The following DNAJB5 variants were observed in gnomAD, a reference collection of about 807,000 sequenced individuals.
The protein encoded by DNAJB5 is dnaJ homolog subfamily B member 5.
DNAJB5 carries 12 observed loss-of-function variants against 32.6 expected under a neutral mutation model. That is an observed-to-expected ratio of 0.37 (90% CI 0.24 to 0.60). The LOEUF is 0.60. Among genes scored for constraint, DNAJB5 ranks in the 20% least tolerant of loss-of-function variants. The pLI, the probability that DNAJB5 is intolerant of heterozygous loss-of-function variation, is 0.71. For missense variants in DNAJB5, 358 were observed against 554.2 expected (o/e 0.65, Z 3.55); for synonymous variants, 188 against 212.9 (o/e 0.88, Z 1.02).
intron 3 of DNAJB5, among the ~76,000 whole-genome samples, chr9:34,995,777 G>T (rs1013394428): frequency 1.3e-5 from 2 of 152,192 alleles, no homozygotes; most frequent in Non-Finnish European, 2.9e-5. Context: ...CTTCCTCCCG[G>T]GTTGGATCCC....
At chr9:34,998,490 C>T (rs890019672), downstream of DNAJB5, 4 of 152,214 alleles carry the variant, frequency 2.6e-5, no homozygotes, top group African/African-American at 7.2e-5. Context: ...CACTGTCATC[C>T]TCCCTCCCGG....
Position 34,995,120 on chromosome 9 carries a change from T to C in DNAJB5, c.428-1145T>C, listed in dbSNP as rs1029514179. 2.0e-5 allele frequency among the ~76,000 whole-genome samples: 3 copies of C among 151,786 alleles called. No homozygotes were observed. The East Asian group carries it at 5.8e-4, about 29-fold the overall frequency. Reference sequence around the variant, plus strand: ...GAGATCCTAGGTCTTGGGGGAGGGGTGAAGAGGCAGCTGCCACAAGTCCCT... The same window carrying C: ...GAGATCCTAGGTCTTGGGGGAGGGGCGAAGAGGCAGCTGCCACAAGTCCCT... On this transcript the variant is annotated intron_variant, in intron 3 of 4. Transcript: ENST00000682809.
chr9:34,992,958 T>A, intron 2 of DNAJB5: 1 of 1,356,634 alleles, frequency 7.4e-7, no homozygotes, highest in Non-Finnish European at 9.5e-7. Flanking sequence ...GGCCACAACC[T>A]TCAGCTTCCT....
At position 34,993,936 on chromosome 9, in the gene DNAJB5, C is replaced by T. The variant is rs1407873862; in HGVS notation, c.427+492C>T. Among the ~76,000 whole-genome samples, 1 of 152,236 alleles carries T rather than the reference C, an allele frequency of 6.6e-6. No individual in the cohort carries two copies. The highest frequency in any genetic ancestry group is 1.5e-5 in the Non-Finnish European group (1 of 68,032). The stretch of plus-strand genomic sequence containing the variant: ...CCCTGCCTGCTTCTGGCCAGCAGAA[C>T]AGAGGTGGAGCTTTGCCTCCCAGAG... On this transcript the variant is annotated intron_variant, in intron 3 of 4. Transcript: ENST00000682809. The surrounding 1 kb of genome is among the most constrained non-coding windows in gnomAD (Gnocchi z 4.7).
Position 34,996,376 on chromosome 9 carries a change from T to C in DNAJB5, c.539T>C (p.Phe180Ser). ...FASFFGGSNP[F>S]DIFFASSRST... ...TCCTTCTTTGGTGGCTCCAACCCCT[T>C]CGATATCTTCTTTGCCAGCAGCCGC... The change falls in exon 4 of 5, where the codon TTC becomes TCC. Residue 180 changes from phenylalanine to serine, a missense_variant. Transcript: ENST00000682809. This position sits in a 1 kb window ranked among gnomAD's most constrained non-coding sequence, Gnocchi z 7.2. 6.2e-7 allele frequency: 1 copy of C among 1,614,132 alleles called. No individual in the cohort carries two copies. Among genetic ancestry groups the C allele is most frequent in the Admixed American group, 1.7e-5 (1 of 60,022 alleles).
At chr9:34,995,025 C>A (rs1030378423) in intron 3 of DNAJB5, among the ~76,000 whole-genome samples, 3 of 152,112 alleles carry the variant, frequency 2.0e-5, no homozygotes, top group Non-Finnish European at 4.4e-5. Flanking sequence ...AGCCTCCCTC[C>A]CTCTCTCACT....
Position 34,989,829 on chromosome 9 carries a change from C to T in DNAJB5, c.-135C>T. On this transcript the variant is annotated splice_region_variant and 5_prime_UTR_variant, in exon 1 of 5. Coordinates refer to ENST00000682809, the MANE Select transcript of DNAJB5 (RefSeq NM_001349723.3). ...CCACGGCGGCGCCCGCAGCTCCTCA[C>T]CGGTGAGGGCGCCAAGCCAGGACTC... 8.1e-7 allele frequency: 1 copy of T among 1,233,796 alleles called. No homozygotes were observed. Among genetic ancestry groups the T allele is most frequent in the Non-Finnish European group, 1.0e-6 (1 of 989,072 alleles). 76.4% of individuals were successfully genotyped at this position (1,233,796 alleles called of 1,614,324 possible).
chr9:34,997,572 C>A lies in DNAJB5; in HGVS notation c.*313C>A, dbSNP rs885451. ...GCTACTTGAAGATATGTAGAGATTC[C>A]TTATCCATGCCTGTACATAGCATGT... On this transcript the variant is annotated 3_prime_UTR_variant, in exon 5 of 5. Transcript: ENST00000682809. This position sits in a 1 kb window ranked among gnomAD's most constrained non-coding sequence, Gnocchi z 4.1. The A allele has an allele frequency of 4.3e-6, 2 of 468,828 alleles. No individual in the cohort carries two copies. Among genetic ancestry groups the A allele is most frequent in the Non-Finnish European group, 8.0e-6 (2 of 249,948 alleles). 29.0% of individuals were successfully genotyped at this position (468,828 alleles called of 1,614,324 possible).
chr9:34,990,304 G>A lies in DNAJB5; in HGVS notation c.-132-195G>A, dbSNP rs1827587705. On this transcript the variant is annotated intron_variant, in intron 1 of 4. Coordinates refer to ENST00000682809, the MANE Select transcript of DNAJB5 (RefSeq NM_001349723.3). The surrounding 1 kb of genome is among the most constrained non-coding windows in gnomAD (Gnocchi z 4.5). ...GGGTCCTCCCCAGTGAGAGGCGACA[G>A]GAGCTCACTGCCTCTCGGGCCCTCA... 1 of 1,429,346 alleles carries A rather than the reference G, an allele frequency of 7.0e-7. No homozygotes were observed. The highest frequency in any genetic ancestry group is 9.3e-7 in the Non-Finnish European group (1 of 1,080,274). 88.5% of individuals were successfully genotyped at this position (1,429,346 alleles called of 1,614,324 possible). A position where few individuals can be genotyped will look rare whatever the true frequency, so the allele number is the denominator to read the frequency against.
In DNAJB5 at chr9:34,990,565, T is replaced by G; in HGVS notation, c.-66T>G. The G allele has an allele frequency of 6.4e-7, 1 of 1,550,586 alleles. No homozygotes were observed. The highest frequency in any genetic ancestry group is 8.7e-7 in the Non-Finnish European group (1 of 1,146,896). On this transcript the variant is annotated 5_prime_UTR_variant, in exon 2 of 5. Coordinates refer to ENST00000682809, the MANE Select transcript of DNAJB5 (RefSeq NM_001349723.3). The surrounding 1 kb of genome is among the most constrained non-coding windows in gnomAD (Gnocchi z 4.5). ...GCCTCTGAGAGTCCAAGGAGGTGGC[T>G]TCCAGAGCTGCAGCACTTCAGGCCG...
rs1019173491 is a variant in DNAJB5 at position 34,990,308 on chromosome 9, C to T, written c.-132-191C>T. 2.1e-6 allele frequency: 3 copies of T among 1,433,676 alleles called. No homozygotes were observed. The highest frequency in any genetic ancestry group is 2.6e-4 in the Middle Eastern group (1 of 3,920). The allele number at this position is 1,433,676 out of a possible 1,614,324, so 88.8% of individuals were successfully genotyped here. A position where few individuals can be genotyped will look rare whatever the true frequency, so the allele number is the denominator to read the frequency against. On this transcript the variant is annotated intron_variant, in intron 1 of 4. Coordinates refer to ENST00000682809, the MANE Select transcript of DNAJB5 (RefSeq NM_001349723.3). The surrounding 1 kb of genome is among the most constrained non-coding windows in gnomAD (Gnocchi z 4.5). ...CCTCCCCAGTGAGAGGCGACAGGAG[C>T]TCACTGCCTCTCGGGCCCTCACAAT...
At chr9:34,992,400 C>T (rs1827674319) in intron 2 of DNAJB5, 1 of 152,222 alleles carries the variant, frequency 6.6e-6, no homozygotes. Context: ...AGTCCTGTCC[C>T]CAGGATGCTT....
Position 34,997,124 on chromosome 9 carries a change from C to A in DNAJB5, c.1128C>A (p.Leu376=), listed in dbSNP as rs1453886811. 4 of 1,614,064 alleles carry A rather than the reference C, an allele frequency of 2.5e-6. No homozygotes were observed. Among genetic ancestry groups the A allele is most frequent in the Non-Finnish European group, 3.4e-6 (4 of 1,180,050 alleles). Residue 376 remains leucine (L), a synonymous_variant, in exon 5 of 5, where the codon CTC becomes CTA. Coordinates refer to ENST00000682809, the MANE Select transcript of DNAJB5 (RefSeq NM_001349723.3). This position sits in a 1 kb window ranked among gnomAD's most constrained non-coding sequence, Gnocchi z 4.1. ...DVIKPGTVKR[L]RGEGLPFPKV... The stretch of plus-strand genomic sequence containing the variant: ...TCAAGCCAGGCACCGTGAAGAGACT[C>A]CGTGGGGAGGGCCTTCCCTTCCCCA...
Position 34,993,487 on chromosome 9 carries a change from T to C in DNAJB5, c.427+43T>C. The C allele has an allele frequency of 3.8e-6, 6 of 1,580,384 alleles. No individual in the cohort carries two copies. The highest frequency in any genetic ancestry group is 5.1e-6 in the Non-Finnish European group (6 of 1,167,546). ...CAGCCCAATCCCGGACCCCTCCGCTTGGTAGGGGTCCCAGGTGCACCAGTT... is the reference window on the plus strand; with the variant it reads ...CAGCCCAATCCCGGACCCCTCCGCTCGGTAGGGGTCCCAGGTGCACCAGTT... On this transcript the variant is annotated intron_variant, in intron 3 of 4. Coordinates refer to ENST00000682809, the MANE Select transcript of DNAJB5 (RefSeq NM_001349723.3). The surrounding 1 kb of genome is among the most constrained non-coding windows in gnomAD (Gnocchi z 4.7).
intron 2 of DNAJB5, chr9:34,991,678 C>CCCA (rs1554662753): frequency 7.6e-6 from 2 of 262,838 alleles, no homozygotes; most frequent in Non-Finnish European, 1.5e-5. Flanking sequence ...GCCCCCCCCC[C>CCCA]CAACGAGGTG....
chr9:34,995,710 C>T (rs1273911208), intron 3 of DNAJB5, among the ~76,000 whole-genome samples: 3 of 152,186 alleles, frequency 2.0e-5, no homozygotes, highest in African/African-American at 7.2e-5. Context: ...CCTGATTTCC[C>T]GTTTGAGCAG....
chr9:34,991,262 C>G, intron 2 of DNAJB5: 1 of 456,550 alleles, frequency 2.2e-6, no homozygotes, highest in Non-Finnish European at 4.4e-6. Context: ...CAGTGCCATG[C>G]CATGGGGCTC....
In DNAJB5 at chr9:34,993,949, T is replaced by C. The variant is rs779786696; in HGVS notation, c.427+505T>C. 5.3e-5 allele frequency among the ~76,000 whole-genome samples: 8 copies of C among 152,186 alleles called. No individual in the cohort carries two copies. Among genetic ancestry groups the C allele is most frequent in the Non-Finnish European group, 7.4e-5 (5 of 68,026 alleles). ...TGGCCAGCAGAACAGAGGTGGAGCT[T>C]TGCCTCCCAGAGGAAGTGGCAGGGA... On this transcript the variant is annotated intron_variant, in intron 3 of 4. Transcript: ENST00000682809. The surrounding 1 kb of genome is among the most constrained non-coding windows in gnomAD (Gnocchi z 4.7).
At position 34,997,749 on chromosome 9, in the gene DNAJB5, A is replaced by C; in HGVS notation, c.*490A>C. ...GTAATGGCACACATATTCATGCACA[A>C]GAAGCACTCACCTAGAGCTGTCTGT... On this transcript the variant is annotated 3_prime_UTR_variant, in exon 5 of 5. Transcript: ENST00000682809. This position sits in a 1 kb window ranked among gnomAD's most constrained non-coding sequence, Gnocchi z 4.1. 1 of 289,398 alleles carries C rather than the reference A, an allele frequency of 3.5e-6. No homozygotes were observed. The highest frequency in any genetic ancestry group is 6.8e-6 in the Non-Finnish European group (1 of 146,872). The allele number at this position is 289,398 out of a possible 1,614,324, so 17.9% of individuals were successfully genotyped here.
Sources: allele counts gnomAD v4.1 joint callset (sites outside exome capture counted in the v4.1 genomes callset), GRCh38; gene constraint gnomAD v4.1.1; non-coding constraint Gnocchi (gnomAD v3.1); transcripts MANE v1.5; gene names NCBI Gene and HGNC (gene_info 2026-07-23, HGNC 2026-07-21).